LDLRAD4: variants seen among roughly 807,000 people sequenced by gnomAD.
LDLRAD4 encodes low density lipoprotein receptor class A domain containing 4, also known as low-density lipoprotein receptor class A domain-containing protein 4.
Under a neutral mutation model 17.0 loss-of-function variants are expected in LDLRAD4, and 5 were observed. That is an observed-to-expected ratio of 0.29 (90% CI 0.15 to 0.62). The LOEUF (loss-of-function observed/expected upper bound fraction) is 0.62, where lower values mean the gene tolerates loss of function less well. LDLRAD4 is among the 20% of genes least tolerant of loss of function. The pLI is 0.84. For missense variants in LDLRAD4, 340 were observed against 424.7 expected (o/e 0.80, Z 1.75); for synonymous variants, 168 against 171.8 (o/e 0.98, Z 0.17).
At chr18:13,540,590 C>T (rs1010044024) in intron 3 of LDLRAD4, among the ~76,000 whole-genome samples, 6 of 152,220 alleles carry the variant, frequency 3.9e-5, no homozygotes, top group South Asian at 2.1e-4. Flanking sequence ...CAGAGAGTTC[C>T]GTGGGGGTTC....
At chr18:13,551,170 A>G (rs1451091749) in intron 3 of LDLRAD4, among the ~76,000 whole-genome samples, 2 of 152,130 alleles carry the variant, frequency 1.3e-5, no homozygotes, top group African/African-American at 2.4e-5. Flanking sequence ...CGAGCAAAAT[A>G]GTGTCATCGG....
At chr18:13,349,172 G>A (rs1160699858) in intron 1 of LDLRAD4, among the ~76,000 whole-genome samples, 3 of 152,206 alleles carry the variant, frequency 2.0e-5, no homozygotes, top group African/African-American at 7.2e-5. Context: ...TGCTCACGCT[G>A]GGAGCTGTAG....
At chr18:13,350,979 A>G (rs1356976017) in intron 1 of LDLRAD4, among the ~76,000 whole-genome samples, 1 of 152,114 alleles carries the variant, frequency 6.6e-6, no homozygotes, top group African/African-American at 2.4e-5. Flanking sequence ...ATTCTGTTCC[A>G]TTGGTCTGTA....
At chr18:13,532,905 C>A (rs1374578719) in intron 3 of LDLRAD4, among the ~76,000 whole-genome samples, 1 of 152,164 alleles carries the variant, frequency 6.6e-6, no homozygotes, top group Non-Finnish European at 1.5e-5. Context: ...TGGGCAGGGG[C>A]CGTGGAAGGA....
At chr18:13,337,650 A>G (rs944714898) in intron 1 of LDLRAD4, among the ~76,000 whole-genome samples, 22 of 151,598 alleles carry the variant, frequency 1.5e-4, no homozygotes, top group African/African-American at 4.9e-4. Context: ...AATATCAGCA[A>G]CTTGGGAGGC....
intron 3 of LDLRAD4, among the ~76,000 whole-genome samples, chr18:13,601,920 A>C (rs2095167994): frequency 6.6e-6 from 1 of 152,258 alleles, no homozygotes; most frequent in Non-Finnish European, 1.5e-5. Flanking sequence ...CTAGATGTCC[A>C]TCCGTAGTGG....
At chr18:13,535,832 A>G (rs12966105) in intron 3 of LDLRAD4, among the ~76,000 whole-genome samples, 1 of 152,200 alleles carries the variant, frequency 6.6e-6, no homozygotes, top group Non-Finnish European at 1.5e-5. Context: ...ATTTGTGGAT[A>G]TGGTATGAGT....
chr18:13,218,542 G>A (rs1351781788), upstream of LDLRAD4, among the ~76,000 whole-genome samples: 2 of 152,324 alleles, frequency 1.3e-5, no homozygotes, highest in East Asian at 3.9e-4. Context: ...GAGGTCAGCG[G>A]GAAGCGGGAA....
At chr18:13,547,842 C>T (rs1674596552) in intron 3 of LDLRAD4, among the ~76,000 whole-genome samples, 1 of 152,204 alleles carries the variant, frequency 6.6e-6, no homozygotes. Flanking sequence ...CTCATTCTCT[C>T]TTCTCTCCTT....
chr18:13,485,235 C>G (rs1470245239), intron 3 of LDLRAD4, among the ~76,000 whole-genome samples: 1 of 152,220 alleles, frequency 6.6e-6, no homozygotes, highest in Non-Finnish European at 1.5e-5. Flanking sequence ...TGGCACAGTG[C>G]TGGCATAACT....
At chr18:13,393,931 C>T (rs924057671) in intron 2 of LDLRAD4, among the ~76,000 whole-genome samples, 3 of 152,224 alleles carry the variant, frequency 2.0e-5, no homozygotes, top group African/African-American at 7.2e-5. Flanking sequence ...CACCACCTTC[C>T]TCTCCATCTT....
intron 1 of LDLRAD4, among the ~76,000 whole-genome samples, chr18:13,224,358 A>G (rs1375103988): frequency 2.6e-5 from 4 of 151,928 alleles, no homozygotes; most frequent in African/African-American, 7.3e-5. Context: ...TCCTGGGAGC[A>G]GCTAACTGCC....
intron 1 of LDLRAD4, among the ~76,000 whole-genome samples, chr18:13,383,988 G>T (rs1028046020): frequency 7.9e-5 from 12 of 152,336 alleles, no homozygotes; most frequent in Non-Finnish European, 1.6e-4. Context: ...GAATAGGCAC[G>T]TTATCCATTG....
rs190650426 is a variant in LDLRAD4, at chr18:13,511,960, A to G, written c.181+73576A>G. On this transcript the variant is annotated intron_variant, in intron 3 of 5. Transcript: ENST00000359446. Reference sequence around the variant, plus strand: ...GTTCTGGGGACCAGAAAGATGTACAACATCTGGGATGTATGTACCATGACA... The same window carrying G: ...GTTCTGGGGACCAGAAAGATGTACAGCATCTGGGATGTATGTACCATGACA... Among the ~76,000 whole-genome samples, 335 of 152,334 alleles carry G rather than the reference A, an allele frequency of 2.2e-3. 1 individual carries two copies. Among genetic ancestry groups the G allele is most frequent in the Non-Finnish European group, 3.5e-3 (236 of 68,036 alleles).
At chr18:13,456,496 T>C (rs544368569) in intron 3 of LDLRAD4, among the ~76,000 whole-genome samples, 39 of 152,322 alleles carry the variant, frequency 2.6e-4, no homozygotes, top group African/African-American at 9.4e-4. Flanking sequence ...GATGCTCCTG[T>C]ATTGCCCCTG....
chr18:13,470,204 C>T (rs1339203055), intron 3 of LDLRAD4, among the ~76,000 whole-genome samples: 2 of 152,090 alleles, frequency 1.3e-5, no homozygotes, highest in Non-Finnish European at 2.9e-5. Context: ...TGCAAATCTC[C>T]AATAGAGGGC....
chr18:13,403,492 G>A (rs2087417052), intron 2 of LDLRAD4, among the ~76,000 whole-genome samples: 1 of 152,238 alleles, frequency 6.6e-6, no homozygotes, highest in African/African-American at 2.4e-5. Context: ...ATAAATGGCA[G>A]TGAGTGTATG....
intron 2 of LDLRAD4, among the ~76,000 whole-genome samples, chr18:13,416,463 G>A (rs148160157): frequency 2.0e-4 from 31 of 152,242 alleles, no homozygotes; most frequent in Non-Finnish European, 4.0e-4. Context: ...CATCTCTCTG[G>A]GCATGTGAGC....
At chr18:13,426,723 G>C (rs1243505775) in intron 2 of LDLRAD4, among the ~76,000 whole-genome samples, 1 of 152,238 alleles carries the variant, frequency 6.6e-6, no homozygotes, top group African/African-American at 2.4e-5. Context: ...TTCACCAGCA[G>C]ACCTTCCTTG....
Sources: gnomAD v4.1 joint callset for allele counts (sites outside exome capture counted in the v4.1 genomes callset) on GRCh38, gnomAD v4.1.1 for gene constraint, MANE v1.5 for transcripts, NCBI Gene and HGNC (gene_info 2026-07-23, HGNC 2026-07-21) for gene names.